Variants in SCN3A observed in about 807,000 individuals in gnomAD.
SCN3A encodes sodium voltage-gated channel alpha subunit 3.
SCN3A carries 60 observed loss-of-function variants against 187.6 expected under a neutral mutation model. The observed-to-expected ratio is 0.32, with a 90% CI of 0.26 to 0.40. The LOEUF is 0.40. Among genes scored for constraint, SCN3A ranks in the 10% least tolerant of loss-of-function variants. The pLI, the probability that SCN3A is intolerant of heterozygous loss-of-function variation, is 1.00. For synonymous variants in SCN3A, 788 were observed against 829.2 expected (o/e 0.95, Z 0.85); for missense variants, 1,601 against 2,428.2 (o/e 0.66, Z 7.16).
At chr2:165,141,791 A>C (rs1303655651) in intron 12 of SCN3A, among the ~76,000 whole-genome samples, 1 of 152,252 alleles carries the variant, frequency 6.6e-6, no homozygotes, top group Non-Finnish European at 1.5e-5. Context: ...AAAGCAAGAC[A>C]TATAACATGA....
intron 1 of SCN3A, among the ~76,000 whole-genome samples, chr2:165,193,111 T>C (rs1245932579): frequency 2.0e-5 from 3 of 152,292 alleles, no homozygotes; most frequent in South Asian, 4.1e-4. Flanking sequence ...ATTATATTTC[T>C]AACGCACTGT....
At chr2:165,102,491 G>T (rs914191550) in intron 21 of SCN3A, among the ~76,000 whole-genome samples, 3 of 152,118 alleles carry the variant, frequency 2.0e-5, no homozygotes, top group African/African-American at 7.2e-5. Flanking sequence ...CTCCAGCCTG[G>T]GCTATAGAGT....
chr2:165,100,463 A>G, intron 21 of SCN3A, 39 bp from the exon 22 acceptor site: 2 of 1,601,828 alleles, frequency 1.2e-6, no homozygotes, highest in Non-Finnish European at 1.7e-6. Context: ...TCACCAAGAA[A>G]TAAACTGTTG....
chr2:165,170,065 C>T (rs561051657), intron 4 of SCN3A, among the ~76,000 whole-genome samples: 18 of 151,874 alleles, frequency 1.2e-4, no homozygotes, highest in African/African-American at 4.1e-4. Flanking sequence ...ACAATTAAGG[C>T]GTAAAAGTTT....
In SCN3A at chr2:165,168,730, A is replaced by T; in HGVS notation, c.473+6T>A. Reference sequence around the variant, plus strand: ...TTTCTCATTCCCAGAAGTTATTCCTACTTACTCTACATTCTTTGTCCAGTC... The same window carrying T: ...TTTCTCATTCCCAGAAGTTATTCCTTCTTACTCTACATTCTTTGTCCAGTC... On this transcript the variant is annotated splice_donor_region_variant and intron_variant, in intron 5 of 27. Coordinates refer to ENST00000283254, the MANE Select transcript of SCN3A (RefSeq NM_006922.4). 6.3e-7 allele frequency: 1 copy of T among 1,588,692 alleles called. No individual in the cohort carries two copies. The highest frequency in any genetic ancestry group is 8.6e-7 in the Non-Finnish European group (1 of 1,157,152).
At chr2:165,130,330 A>T (rs1687236047) in intron 16 of SCN3A, 34 bp from the exon 17 acceptor site, 1 of 1,598,418 alleles carries the variant, frequency 6.3e-7, no homozygotes. Context: ...GTTAGTAGTA[A>T]TCATAATATA....
Position 165,164,383 on chromosome 2 carries a change from G to A in SCN3A, c.602+9C>T, listed in dbSNP as rs7579000. The A allele has an allele frequency of 0.15, 247,441 of 1,613,110 alleles. 26,558 individuals are homozygous for A. Among genetic ancestry groups the A allele is most frequent in the East Asian group, 0.49 (21,833 of 44,746 alleles). Reference sequence around the variant, plus strand: ...CCTTTGCGCTTATCAAATTTTCAAAGTTACTCACGCCATCACAATGACACT... The same window carrying A: ...CCTTTGCGCTTATCAAATTTTCAAAATTACTCACGCCATCACAATGACACT... On this transcript the variant is annotated intron_variant, in intron 6 of 27. Transcript: ENST00000283254.
At chr2:165,172,782 A>C (rs1354629303) in intron 3 of SCN3A, among the ~76,000 whole-genome samples, 3 of 152,148 alleles carry the variant, frequency 2.0e-5, no homozygotes, top group Non-Finnish European at 4.4e-5. Context: ...ACATGCTAAG[A>C]GCATCTTCGT....
chr2:165,153,871 T>C (rs1295328931), intron 11 of SCN3A, among the ~76,000 whole-genome samples: 1 of 151,890 alleles, frequency 6.6e-6, no homozygotes, highest in Admixed American at 6.6e-5. Flanking sequence ...CCTCAACACA[T>C]TAATGTCCCA....
At chr2:165,149,405 C>T (rs1688550781) in intron 11 of SCN3A, among the ~76,000 whole-genome samples, 1 of 152,042 alleles carries the variant, frequency 6.6e-6, no homozygotes, top group Admixed American at 6.6e-5. Context: ...AAACTCCTGG[C>T]CTCAAGTGAC....
intron 1 of SCN3A, among the ~76,000 whole-genome samples, chr2:165,189,397 C>T (rs1461605324): frequency 6.6e-6 from 1 of 152,136 alleles, no homozygotes; most frequent in African/African-American, 2.4e-5. Context: ...TGACCTAATA[C>T]ATTTATTGGA....
intron 15 of SCN3A, among the ~76,000 whole-genome samples, chr2:165,137,518 G>A (rs17829759): frequency 0.17 from 25,492 of 151,866 alleles, 2,512 homozygotes; most frequent in East Asian, 0.27. Context: ...TCCCTTCAAT[G>A]GACATGATTG....
intron 12 of SCN3A, among the ~76,000 whole-genome samples, chr2:165,144,007 AAAT>A (rs1159996644): frequency 6.6e-6 from 1 of 152,190 alleles, no homozygotes; most frequent in African/African-American, 2.4e-5. Context: ...ATCTGTTTAA[AAAT>A]AAAATAATGT....
intron 2 of SCN3A, among the ~76,000 whole-genome samples, chr2:165,183,110 A>G (rs956922880): frequency 6.6e-6 from 1 of 152,216 alleles, no homozygotes; most frequent in Non-Finnish European, 1.5e-5. Flanking sequence ...CCAATTTTTA[A>G]GTAAAGGGAA....
chr2:165,155,598 C>G (rs1027425079), intron 10 of SCN3A, among the ~76,000 whole-genome samples, 164 bp downstream of exon 10: 2 of 152,084 alleles, frequency 1.3e-5, no homozygotes, highest in Non-Finnish European at 1.5e-5. Context: ...GGGGTTTTGC[C>G]ATGTTGTTCA....
chr2:165,203,264 C>T (rs1692432997), intron 1 of SCN3A, among the ~76,000 whole-genome samples: 1 of 151,870 alleles, frequency 6.6e-6, no homozygotes, highest in Non-Finnish European at 1.5e-5. Context: ...GAAGGTTCAA[C>T]CTCTTTTAAA....
intron 1 of SCN3A, chr2:165,195,374 C>T (rs1691882522): frequency 6.6e-6 from 1 of 152,138 alleles, no homozygotes; most frequent in African/African-American, 2.4e-5. Flanking sequence ...AGTGCAAAAT[C>T]AGACATTGAG....
chr2:165,095,461 A>G lies in SCN3A; in HGVS notation c.4431+50T>C, dbSNP rs150174357. 5.2e-4 allele frequency: 819 copies of G among 1,573,304 alleles called. 5 individuals carry two copies. Among genetic ancestry groups the G allele is most frequent in the Middle Eastern group, 3.9e-3 (20 of 5,174 alleles). ...GGTATTCTGGTTATTTGGCTGTATT[A>G]ACAGACAGAACCCCAGAATGAAGAA... On this transcript the variant is annotated intron_variant, in intron 25 of 27. Transcript: ENST00000283254.
At chr2:165,164,133 A>G (rs1689586445) in intron 6 of SCN3A, among the ~76,000 whole-genome samples, 1 of 152,198 alleles carries the variant, frequency 6.6e-6, no homozygotes, top group South Asian at 2.1e-4. Flanking sequence ...AGTTGTTGCT[A>G]TTAAATTGTA....
Sources: gnomAD v4.1 joint callset for allele counts (sites outside exome capture counted in the v4.1 genomes callset) on GRCh38, gnomAD v4.1.1 for gene constraint, MANE v1.5 for transcripts, NCBI Gene and HGNC (gene_info 2026-07-23, HGNC 2026-07-21) for gene names.